Variants in PXYLP1 observed in about 807,000 individuals in gnomAD.
The protein encoded by PXYLP1 is acid phosphatase-like 2.
In PXYLP1, 17 loss-of-function variants were observed where a neutral mutation model predicts 37.9. The observed-to-expected ratio is 0.45, with a 90% CI of 0.31 to 0.67. The LOEUF is 0.67. Ranked by LOEUF, PXYLP1 falls within the 30% of genes least tolerant of loss-of-function variation. The probability of loss-of-function intolerance (pLI) is 0.07; values close to 1 mark genes in which losing one functional copy is unlikely to be tolerated. For synonymous variants in PXYLP1, 221 were observed against 232.2 expected, an observed-to-expected ratio of 0.95 and a Z score of 0.44; for missense variants, 511 against 612.0, an observed-to-expected ratio of 0.84 and a Z score of 1.74.
intron 1 of PXYLP1, among the ~76,000 whole-genome samples, chr3:141,237,718 G>C (rs950312181): frequency 6.6e-6 from 1 of 152,184 alleles, no homozygotes. Context: ...CAGGATAATA[G>C]TCTCTGTCCT....
intron 2 of PXYLP1, among the ~76,000 whole-genome samples, chr3:141,272,099 C>A (rs1941677642): frequency 6.6e-6 from 1 of 152,164 alleles, no homozygotes; most frequent in African/African-American, 2.4e-5. Context: ...GGCCCTATCC[C>A]AGGGCCTTGG....
intron 5 of PXYLP1, among the ~76,000 whole-genome samples, chr3:141,288,185 C>T (rs1227617522): frequency 6.6e-6 from 1 of 152,172 alleles, no homozygotes; most frequent in Non-Finnish European, 1.5e-5. Flanking sequence ...AACAGGTGGT[C>T]CTTCAAGAGG....
At chr3:141,244,608 T>A (rs1048424788) in intron 1 of PXYLP1, among the ~76,000 whole-genome samples, 1 of 147,472 alleles carries the variant, frequency 6.8e-6, no homozygotes, top group Non-Finnish European at 1.5e-5. Flanking sequence ...CTGCTACTTT[T>A]GTTTTCTGTC....
chr3:141,284,277 A>G (rs1942021029), intron 4 of PXYLP1, among the ~76,000 whole-genome samples: 1 of 152,126 alleles, frequency 6.6e-6, no homozygotes, highest in African/African-American at 2.4e-5. Context: ...GGGGATGGCT[A>G]CATGGTTGAA....
At chr3:141,271,101 A>T (rs1941652173) in intron 2 of PXYLP1, among the ~76,000 whole-genome samples, 12 of 152,136 alleles carry the variant, frequency 7.9e-5, no homozygotes. Flanking sequence ...CCTTACCAGA[A>T]TCCATTCACA....
intron 2 of PXYLP1, among the ~76,000 whole-genome samples, chr3:141,268,978 G>A (rs72982581): frequency 0.024 from 3,673 of 152,326 alleles, 163 homozygotes; most frequent in African/African-American, 0.083. Context: ...CCAGGGGTCT[G>A]CCCGTCCACA....
At chr3:141,278,610 C>T in intron 3 of PXYLP1, 110 bp downstream of exon 3, 5 of 1,402,252 alleles carry the variant, frequency 3.6e-6, no homozygotes. Flanking sequence ...CCTGCAGTTG[C>T]CACCAGGCTG....
intron 5 of PXYLP1, among the ~76,000 whole-genome samples, chr3:141,288,299 A>T (rs1049924054): frequency 6.6e-6 from 1 of 152,232 alleles, no homozygotes; most frequent in African/African-American, 2.4e-5. Context: ...TTCTGTCTTC[A>T]TCTTGCATCA....
At chr3:141,244,721 A>C (rs1227557377) in intron 1 of PXYLP1, among the ~76,000 whole-genome samples, 1 of 151,358 alleles carries the variant, frequency 6.6e-6, no homozygotes. Flanking sequence ...TGTTTGGACA[A>C]ACTGTGATTT....
intron 1 of PXYLP1, among the ~76,000 whole-genome samples, chr3:141,234,514 C>A (rs533977449): frequency 6.6e-6 from 1 of 152,194 alleles, no homozygotes; most frequent in African/African-American, 2.4e-5. Context: ...TCAGATTGCA[C>A]CATCCCCACT....
intron 4 of PXYLP1, among the ~76,000 whole-genome samples, chr3:141,286,785 A>C (rs1040243058): frequency 1.3e-5 from 2 of 152,224 alleles, no homozygotes; most frequent in African/African-American, 4.8e-5. Context: ...GGCATGCTTA[A>C]TCAGCAAGAA....
At chr3:141,252,534 A>G (rs558114534) in intron 1 of PXYLP1, among the ~76,000 whole-genome samples, 75 of 152,136 alleles carry the variant, frequency 4.9e-4, no homozygotes, top group Non-Finnish European at 9.6e-4. Context: ...TCTCACGTCA[A>G]CTAACAGAGC....
chr3:141,233,001 A>G, intron 1 of PXYLP1, among the ~76,000 whole-genome samples: 1 of 151,784 alleles, frequency 6.6e-6, no homozygotes, highest in East Asian at 1.9e-4. Flanking sequence ...AGAGTGCTCC[A>G]CAAATGGAGC....
chr3:141,255,149 A>G (rs1332700544), intron 1 of PXYLP1, among the ~76,000 whole-genome samples: 1 of 152,232 alleles, frequency 6.6e-6, no homozygotes, highest in Non-Finnish European at 1.5e-5. Flanking sequence ...GTATTCTAAA[A>G]TCTTTTCTTT....
intron 2 of PXYLP1, among the ~76,000 whole-genome samples, chr3:141,264,478 G>T (rs1281993227): frequency 6.6e-6 from 1 of 152,166 alleles, no homozygotes; most frequent in African/African-American, 2.4e-5. Flanking sequence ...TTTTCTCATT[G>T]ATCCAGTGCC....
rs113612428 is a variant in PXYLP1 at position 141,235,713 on chromosome 3, C to T, written c.-54+3802C>T. Among the ~76,000 whole-genome samples, 693 of 152,340 alleles carry T rather than the reference C, an allele frequency of 4.5e-3. 10 individuals are homozygous for T. The highest frequency in any genetic ancestry group is 0.016 in the African/African-American group (655 of 41,582). ...GCTGTGCAGCCTTGCAGGTAAACGA[C>T]GGCCCATTGGAGCCTCTCAACCTGG... On this transcript the variant is annotated intron_variant, in intron 1 of 5. Coordinates refer to ENST00000286353, the MANE Select transcript of PXYLP1 (RefSeq NM_001037172.3).
intron 1 of PXYLP1, chr3:141,234,253 G>A (rs903638660): frequency 2.0e-5 from 3 of 151,980 alleles, no homozygotes; most frequent in Admixed American, 6.5e-5. Context: ...ATGGTGGGTC[G>A]TTAACCTCAG....
intron 2 of PXYLP1, among the ~76,000 whole-genome samples, chr3:141,270,263 C>T (rs1476800595): frequency 6.6e-6 from 1 of 152,250 alleles, no homozygotes; most frequent in Non-Finnish European, 1.5e-5. Context: ...AGAGCAGATT[C>T]AACTGTTTGA....
chr3:141,233,366 G>A (rs1357012297), intron 1 of PXYLP1, among the ~76,000 whole-genome samples: 1 of 150,934 alleles, frequency 6.6e-6, no homozygotes, highest in African/African-American at 2.4e-5. Context: ...TCAGGAGGCT[G>A]AGACAGGAGA....
Sources: gnomAD v4.1 joint callset for allele counts (sites outside exome capture counted in the v4.1 genomes callset) on GRCh38, gnomAD v4.1.1 for gene constraint, MANE v1.5 for transcripts, NCBI Gene and HGNC (gene_info 2026-07-23, HGNC 2026-07-21) for gene names.